The following ZNF385D variants were observed in gnomAD, a reference collection of about 807,000 sequenced individuals.
ZNF385D encodes the protein zinc finger protein 385D, also known as zinc finger protein 659.
In ZNF385D, 15 loss-of-function variants were observed where a neutral mutation model predicts 35.8. The ratio of observed to expected loss-of-function variants is 0.42; its 90% CI spans 0.28 to 0.64. The LOEUF (loss-of-function observed/expected upper bound fraction) is 0.64. Ranked by LOEUF, ZNF385D falls within the 30% of genes least tolerant of loss-of-function variation. The pLI, the probability that ZNF385D is intolerant of heterozygous loss-of-function variation, is 0.23. For missense variants in ZNF385D, 474 were observed against 494.6 expected, an observed-to-expected ratio of 0.96 and a Z score of 0.39; for synonymous variants, 212 against 186.8, an observed-to-expected ratio of 1.13 and a Z score of -1.10.
chr3:22,315,337 T>G (rs1036352328), intron 2 of ZNF385D, among the ~76,000 whole-genome samples: 1 of 152,106 alleles, frequency 6.6e-6, no homozygotes, highest in Non-Finnish European at 1.5e-5. Context: ...GAGATGAACA[T>G]GGAGAAGTTG....
At chr3:22,191,046 TAAC>T (rs915244286) in intron 2 of ZNF385D, among the ~76,000 whole-genome samples, 1 of 152,150 alleles carries the variant, frequency 6.6e-6, no homozygotes, top group African/African-American at 2.4e-5. Context: ...AATTATTGTT[TAAC>T]ATGGTGAATT....
chr3:22,094,205 C>T (rs987289878), intron 3 of ZNF385D, among the ~76,000 whole-genome samples: 1 of 149,424 alleles, frequency 6.7e-6, no homozygotes, highest in African/African-American at 2.5e-5. Flanking sequence ...TTTGGTTGTT[C>T]ATATTGCATT....
chr3:21,533,123 T>C (rs552041854), intron 3 of ZNF385D, among the ~76,000 whole-genome samples: 44 of 152,314 alleles, frequency 2.9e-4, no homozygotes, highest in Admixed American at 1.3e-3. Context: ...AAATTACTGA[T>C]GTACTACCAA....
intron 5 of ZNF385D, among the ~76,000 whole-genome samples, chr3:21,426,873 T>C (rs986407362): frequency 1.3e-5 from 2 of 152,220 alleles, no homozygotes; most frequent in African/African-American, 4.8e-5. Context: ...TTCTTCAAAA[T>C]GATTACATTT....
intron 4 of ZNF385D, among the ~76,000 whole-genome samples, chr3:21,448,057 G>A (rs990630555): frequency 1.3e-5 from 2 of 152,126 alleles, no homozygotes; most frequent in Admixed American, 1.3e-4. Flanking sequence ...GTATTTCATA[G>A]ATTAGCTATG....
At chr3:21,740,874 C>G (rs990409302) in intron 1 of ZNF385D, among the ~76,000 whole-genome samples, 1 of 152,184 alleles carries the variant, frequency 6.6e-6, no homozygotes, top group African/African-American at 2.4e-5. Flanking sequence ...AATGAAAATG[C>G]AGATGCCTGA....
intron 3 of ZNF385D, among the ~76,000 whole-genome samples, chr3:21,784,736 T>A (rs999694425): frequency 2.6e-5 from 4 of 152,134 alleles, no homozygotes; most frequent in African/African-American, 9.6e-5. Flanking sequence ...AAAGTCATAA[T>A]TAATGCAAAA....
chr3:22,297,330 G>GA (rs1053799057), intron 2 of ZNF385D, among the ~76,000 whole-genome samples: 2 of 152,062 alleles, frequency 1.3e-5, no homozygotes, highest in East Asian at 3.9e-4. Flanking sequence ...CCCTTCATCT[G>GA]AAAAAAGCTA....
At chr3:21,745,255 G>A (rs1037427513) in intron 1 of ZNF385D, among the ~76,000 whole-genome samples, 1 of 152,090 alleles carries the variant, frequency 6.6e-6, no homozygotes, top group African/African-American at 2.4e-5. Context: ...TTACAGAAAT[G>A]TGATATTACA....
At chr3:21,970,276 C>T (rs991328015) in intron 3 of ZNF385D, among the ~76,000 whole-genome samples, 1 of 152,022 alleles carries the variant, frequency 6.6e-6, no homozygotes, top group African/African-American at 2.4e-5. Context: ...ACTAATAATT[C>T]AAAATAGCTG....
chr3:21,629,269 G>C (rs2065216558), intron 2 of ZNF385D, among the ~76,000 whole-genome samples: 1 of 152,010 alleles, frequency 6.6e-6, no homozygotes, highest in African/African-American at 2.4e-5. Flanking sequence ...TCTGTATGAG[G>C]CCTCTTCTGG....
chr3:21,870,111 A>G (rs1208166022), intron 3 of ZNF385D, among the ~76,000 whole-genome samples: 1 of 152,148 alleles, frequency 6.6e-6, no homozygotes, highest in Non-Finnish European at 1.5e-5. Flanking sequence ...CTAAAAATGT[A>G]TAACTGCAGA....
At chr3:22,122,325 T>A (rs1703132203) in intron 3 of ZNF385D, among the ~76,000 whole-genome samples, 2 of 152,242 alleles carry the variant, frequency 1.3e-5, no homozygotes, top group African/African-American at 2.4e-5. Flanking sequence ...CCCTAAAAAA[T>A]TGTTTTTTTT....
rs559350997 is a variant in ZNF385D at position 21,497,539 on chromosome 3, A to C, written c.439+13322T>G. On this transcript the variant is annotated intron_variant, in intron 4 of 7. Coordinates refer to ENST00000281523, the MANE Select transcript of ZNF385D (RefSeq NM_024697.3). ...ATGACACTCTTCACAGAATTATTTA[A>C]AAAAATTTTTTTTAAATTCATATGG... 2.6e-5 allele frequency among the ~76,000 whole-genome samples: 4 copies of C among 152,292 alleles called. No individual in the cohort carries two copies. The East Asian group carries it at 7.7e-4, about 29-fold the overall frequency.
At chr3:21,753,171 G>A (rs982949272), upstream of ZNF385D, among the ~76,000 whole-genome samples, 1 of 152,108 alleles carries the variant, frequency 6.6e-6, no homozygotes, top group Non-Finnish European at 1.5e-5. Context: ...ATAGAAAGGT[G>A]GATATTACAG....
In ZNF385D at chr3:21,416,727, G is replaced by T. The variant is rs954167765; in HGVS notation, c.*4487C>A. 1.1e-4 allele frequency: 16 copies of T among 152,134 alleles called. No individual in the cohort carries two copies. Among genetic ancestry groups the T allele is most frequent in the African/African-American group, 3.9e-4 (16 of 41,442 alleles). The allele number at this position is 152,134 out of a possible 1,614,324, so 9.4% of individuals were successfully genotyped here. ...GTAACAATGACAAGAGCGCATAACT[G>T]ATATACTTGTCTGTGGAAGAGATGG... is the stretch of plus-strand genomic sequence containing the variant. On this transcript the variant is annotated 3_prime_UTR_variant, in exon 8 of 8. Coordinates refer to ENST00000281523, the MANE Select transcript of ZNF385D (RefSeq NM_024697.3).
chr3:21,999,565 G>A (rs1695705294), intron 3 of ZNF385D, among the ~76,000 whole-genome samples: 1 of 152,068 alleles, frequency 6.6e-6, no homozygotes, highest in African/African-American at 2.4e-5. Context: ...TCTATGGTCA[G>A]ACTAGTTTTC....
At chr3:21,733,494 G>A (rs1490113626) in intron 1 of ZNF385D, among the ~76,000 whole-genome samples, 5 of 152,072 alleles carry the variant, frequency 3.3e-5, no homozygotes, top group Non-Finnish European at 7.4e-5. Context: ...AATGAAATTA[G>A]CCATGTGTCT....
intron 2 of ZNF385D, among the ~76,000 whole-genome samples, chr3:21,597,958 A>AGAT (rs1203854839): frequency 6.6e-6 from 1 of 152,202 alleles, no homozygotes; most frequent in Non-Finnish European, 1.5e-5. Context: ...GAAAAGCAAA[A>AGAT]GATGATCTGA....
Sources: gnomAD v4.1 joint callset for allele counts (sites outside exome capture counted in the v4.1 genomes callset) on GRCh38, gnomAD v4.1.1 for gene constraint, MANE v1.5 for transcripts, NCBI Gene and HGNC (gene_info 2026-07-23, HGNC 2026-07-21) for gene names.